HS3ST5: variants seen among roughly 807,000 people sequenced by gnomAD.
HS3ST5 encodes the protein heparan sulfate-glucosamine 3-sulfotransferase 5, also known as heparan sulfate glucosamine 3-O-sulfotransferase 5.
Under a neutral mutation model 25.4 loss-of-function variants are expected in HS3ST5, and 10 were observed. That is an observed-to-expected ratio of 0.39 (90% confidence interval 0.24 to 0.67). The LOEUF is 0.67. Ranked by LOEUF, HS3ST5 falls within the 30% of genes least tolerant of loss-of-function variation. The pLI is 0.44. For missense variants in HS3ST5, 324 were observed against 420.7 expected, an observed-to-expected ratio of 0.77 and a Z score of 2.01; for synonymous variants, 170 against 162.4, an observed-to-expected ratio of 1.05 and a Z score of -0.36.
intron 1 of HS3ST5, among the ~76,000 whole-genome samples, chr6:114,340,909 G>C (rs1776802841): frequency 6.6e-6 from 1 of 151,988 alleles, no homozygotes; most frequent in Non-Finnish European, 1.5e-5. Context: ...ATTACTTCTA[G>C]CAAATCAGTT....
At chr6:114,126,416 A>C (rs1777040951) in intron 3 of HS3ST5, among the ~76,000 whole-genome samples, 1 of 152,186 alleles carries the variant, frequency 6.6e-6, no homozygotes, top group Non-Finnish European at 1.5e-5. Context: ...GTCTGGTAAG[A>C]GGTGGTATGA....
chr6:114,096,763 T>G (rs2056301), intron 3 of HS3ST5, among the ~76,000 whole-genome samples: 64,124 of 151,946 alleles, frequency 0.42, 14,342 homozygotes, highest in Middle Eastern at 0.55. Flanking sequence ...ACTAGGGGGC[T>G]CTCTAATATT....
chr6:114,241,630 C>G (rs922265004), intron 1 of HS3ST5, among the ~76,000 whole-genome samples: 33 of 152,288 alleles, frequency 2.2e-4, no homozygotes, highest in African/African-American at 7.9e-4. Context: ...TTGCAACAAA[C>G]TGCATCTTCG....
chr6:114,165,694 T>A (rs1173465364), intron 3 of HS3ST5, among the ~76,000 whole-genome samples: 2 of 152,160 alleles, frequency 1.3e-5, no homozygotes, highest in Non-Finnish European at 2.9e-5. Flanking sequence ...CGCGCTCACT[T>A]CACCCCCATG....
At chr6:114,176,580 G>A (rs572590620) in intron 2 of HS3ST5, among the ~76,000 whole-genome samples, 3 of 152,240 alleles carry the variant, frequency 2.0e-5, no homozygotes, top group African/African-American at 7.2e-5. Context: ...CTTACCTACA[G>A]GTTTAGATGT....
chr6:114,152,095 G>A (rs973586294), intron 3 of HS3ST5, among the ~76,000 whole-genome samples: 2 of 151,792 alleles, frequency 1.3e-5, no homozygotes, highest in African/African-American at 2.4e-5. Context: ...CATGCCCGGC[G>A]AATTTTTTAG....
intron 2 of HS3ST5, among the ~76,000 whole-genome samples, chr6:114,203,332 C>A (rs956193080): frequency 1.3e-5 from 2 of 152,174 alleles, no homozygotes; most frequent in Non-Finnish European, 2.9e-5. Flanking sequence ...GGTAACAGTT[C>A]CTTCCTGAAA....
At chr6:114,104,936 C>A (rs1042649769) in intron 3 of HS3ST5, among the ~76,000 whole-genome samples, 38 of 151,690 alleles carry the variant, frequency 2.5e-4, no homozygotes, top group African/African-American at 8.7e-4. Context: ...GTCATCTTTG[C>A]GGTTTACAAG....
At chr6:114,266,339 A>G (rs2114685605) in intron 1 of HS3ST5, among the ~76,000 whole-genome samples, 1 of 152,338 alleles carries the variant, frequency 6.6e-6, no homozygotes, top group African/African-American at 2.4e-5. Context: ...TTCAGAGATA[A>G]GGTTAACAAA....
chr6:114,108,316 G>T (rs558358788), intron 3 of HS3ST5, among the ~76,000 whole-genome samples: 3 of 152,164 alleles, frequency 2.0e-5, no homozygotes, highest in Non-Finnish European at 4.4e-5. Flanking sequence ...GCCTCAATAA[G>T]GTTGAAATAC....
intron 2 of HS3ST5, among the ~76,000 whole-genome samples, chr6:114,208,697 G>A (rs1218217353): frequency 6.6e-6 from 1 of 152,140 alleles, no homozygotes; most frequent in Non-Finnish European, 1.5e-5. Context: ...TTGTAGGAAA[G>A]AAACATTCTT....
At chr6:114,167,488 C>T (rs901275180) in intron 3 of HS3ST5, 1 of 152,100 alleles carries the variant, frequency 6.6e-6, no homozygotes, top group African/African-American at 2.4e-5. Flanking sequence ...ATTATTATCC[C>T]TATTTTAAAG....
chr6:114,263,496 T>C (rs1433086353), intron 1 of HS3ST5, among the ~76,000 whole-genome samples: 2 of 152,216 alleles, frequency 1.3e-5, no homozygotes, highest in African/African-American at 4.8e-5. Context: ...TTCTCACATA[T>C]CTCCTAATCT....
intron 3 of HS3ST5, among the ~76,000 whole-genome samples, chr6:114,126,787 C>T (rs924336251): frequency 4.6e-5 from 7 of 152,028 alleles, no homozygotes. Context: ...TTTCAGGCAC[C>T]CTGCTGGGCT....
At chr6:114,249,794 T>G (rs1229196086) in intron 1 of HS3ST5, among the ~76,000 whole-genome samples, 1 of 152,174 alleles carries the variant, frequency 6.6e-6, no homozygotes, top group African/African-American at 2.4e-5. Flanking sequence ...GTCCAAAATT[T>G]TTTTTTCATT....
intron 1 of HS3ST5, among the ~76,000 whole-genome samples, chr6:114,258,208 G>T (rs1773018290): frequency 6.6e-6 from 1 of 152,162 alleles, no homozygotes. Context: ...GGTGATTGTT[G>T]TTACCCACAT....
chr6:114,085,822 T>A (rs1301604488), intron 3 of HS3ST5, among the ~76,000 whole-genome samples: 1 of 152,290 alleles, frequency 6.6e-6, no homozygotes, highest in East Asian at 1.9e-4. Flanking sequence ...ATTTTAGTTA[T>A]TTCAACAGTG....
intron 1 of HS3ST5, among the ~76,000 whole-genome samples, chr6:114,288,417 A>G (rs1774431363): frequency 6.6e-6 from 1 of 152,118 alleles, no homozygotes; most frequent in Non-Finnish European, 1.5e-5. Context: ...TCACTAGTAT[A>G]TTGGCATGCT....
intron 1 of HS3ST5, among the ~76,000 whole-genome samples, chr6:114,263,850 T>G (rs895580747): frequency 2.6e-5 from 4 of 151,976 alleles, no homozygotes; most frequent in Non-Finnish European, 5.9e-5. Context: ...AATTAAGGAC[T>G]GAAAAGTAAC....
Sources: gnomAD v4.1 joint callset for allele counts (sites outside exome capture counted in the v4.1 genomes callset) on GRCh38, gnomAD v4.1.1 for gene constraint, MANE v1.5 for transcripts, NCBI Gene and HGNC (gene_info 2026-07-23, HGNC 2026-07-21) for gene names.